Variants in CUX1 observed in about 807,000 individuals in gnomAD.
CUX1 encodes the protein protein CASP.
Under a neutral mutation model 158.8 loss-of-function variants are expected in CUX1, and 31 were observed. That is an observed-to-expected ratio of 0.20 (90% CI 0.15 to 0.26). The LOEUF (loss-of-function observed/expected upper bound fraction) is 0.26, where lower values mean the gene tolerates loss of function less well. Ranked by LOEUF, CUX1 falls within the 10% of genes least tolerant of loss-of-function variation. The pLI, the probability that CUX1 is intolerant of heterozygous loss-of-function variation, is 1.00. For missense variants in CUX1, 1,589 were observed against 2,014.6 expected (o/e 0.79, Z 4.04); for synonymous variants, 879 against 862.1 (o/e 1.02, Z -0.34).
intron 4 of CUX1, among the ~76,000 whole-genome samples, chr7:102,082,856 T>C (rs1325617058): frequency 2.0e-5 from 3 of 147,624 alleles, no homozygotes; most frequent in African/African-American, 7.3e-5. Context: ...CCAACAGTTA[T>C]GTTGACAGAC....
intron 5 of CUX1, among the ~76,000 whole-genome samples, chr7:102,100,841 T>G (rs1829694296): frequency 6.6e-6 from 1 of 151,816 alleles, no homozygotes; most frequent in Admixed American, 6.6e-5. Flanking sequence ...GTCCATTGTG[T>G]GTTGCTGTAA....
intron 11 of CUX1, among the ~76,000 whole-genome samples, chr7:102,180,772 G>T (rs906895070): frequency 6.6e-6 from 1 of 151,494 alleles, no homozygotes; most frequent in African/African-American, 2.4e-5. Context: ...TCTTTGGGGT[G>T]AATTTCACCC....
intron 2 of CUX1, among the ~76,000 whole-genome samples, chr7:102,003,493 A>G (rs552451050): frequency 1.3e-5 from 2 of 152,262 alleles, no homozygotes; most frequent in African/African-American, 4.8e-5. Flanking sequence ...GCTTTATTGC[A>G]AGGCTGCTTG....
chr7:102,019,443 T>TCATG (rs1819077373), intron 2 of CUX1, among the ~76,000 whole-genome samples: 1 of 152,198 alleles, frequency 6.6e-6, no homozygotes, highest in Non-Finnish European at 1.5e-5. Context: ...GAGGCTGGTC[T>TCATG]TGAACTCCTG....
intron 6 of CUX1, among the ~76,000 whole-genome samples, chr7:102,107,409 A>C (rs991428287): frequency 8.6e-4 from 130 of 151,960 alleles, no homozygotes; most frequent in African/African-American, 3.0e-3. Flanking sequence ...GCGTGGTGGC[A>C]CATGCCTGTA....
chr7:101,877,309 G>C (rs938457838), intron 1 of CUX1, among the ~76,000 whole-genome samples: 2 of 152,300 alleles, frequency 1.3e-5, no homozygotes, highest in South Asian at 4.1e-4. Flanking sequence ...TATATACACA[G>C]AAACAAATAC....
intron 3 of CUX1, among the ~76,000 whole-genome samples, chr7:102,067,025 T>G (rs1825621299): frequency 6.6e-6 from 1 of 152,026 alleles, no homozygotes; most frequent in South Asian, 2.1e-4. Flanking sequence ...AAGTCTGGAG[T>G]TCATTGACTT....
At chr7:102,031,415 A>G (rs948930706) in intron 3 of CUX1, among the ~76,000 whole-genome samples, 3 of 152,084 alleles carry the variant, frequency 2.0e-5, no homozygotes, top group African/African-American at 7.2e-5. Flanking sequence ...TTAGCAAATT[A>G]TCTTGTAGAT....
chr7:102,147,529 G>C (rs1554502429), intron 8 of CUX1, among the ~76,000 whole-genome samples: 1 of 152,122 alleles, frequency 6.6e-6, no homozygotes, highest in Admixed American at 6.5e-5. Context: ...TTTTTCAGAG[G>C]CTCTGAAAAG....
chr7:102,044,485 C>T (rs1020739852), intron 3 of CUX1, among the ~76,000 whole-genome samples: 1 of 151,922 alleles, frequency 6.6e-6, no homozygotes, highest in African/African-American at 2.4e-5. Flanking sequence ...CCACTGCGCC[C>T]GGCCACCTTA....
At chr7:101,913,443 GTTCACC>G (rs1449907076) in intron 1 of CUX1, 1 of 1,235,990 alleles carries the variant, frequency 8.1e-7, no homozygotes, top group East Asian at 6.1e-5. Flanking sequence ...ATCAAGGTGG[GTTCACC>G]TTGCACCGGG....
chr7:102,066,748 G>A (rs1227525067), intron 3 of CUX1, among the ~76,000 whole-genome samples: 3 of 152,174 alleles, frequency 2.0e-5, no homozygotes, highest in Non-Finnish European at 2.9e-5. Flanking sequence ...CCCAGGTTGC[G>A]TTCCAATTCA....
chr7:102,047,316 G>T, intron 3 of CUX1, among the ~76,000 whole-genome samples: 1 of 151,996 alleles, frequency 6.6e-6, no homozygotes, highest in East Asian at 1.9e-4. Context: ...TAGATAAATG[G>T]GAATGGATAG....
At chr7:101,939,061 ATATATAT>A (rs1807340206) in intron 2 of CUX1, among the ~76,000 whole-genome samples, 3 of 676 alleles carry the variant, frequency 4.4e-3, no homozygotes, top group Admixed American at 0.012. Flanking sequence ...AAAAATACAT[ATATATAT>A]ATATATATAT....
chr7:102,218,228 C>T (rs1307404764), intron 20 of CUX1, among the ~76,000 whole-genome samples: 1 of 152,160 alleles, frequency 6.6e-6, no homozygotes, highest in African/African-American at 2.4e-5. Context: ...GATGTGGGGG[C>T]GCAGGGTCTG....
intron 1 of CUX1, among the ~76,000 whole-genome samples, chr7:101,837,536 T>TA (rs1250387654): frequency 6.6e-6 from 1 of 152,058 alleles, no homozygotes; most frequent in East Asian, 1.9e-4. Context: ...ATGTTAAAGT[T>TA]ACTGAAATCT....
chr7:102,175,601 G>A (rs1054155072), intron 10 of CUX1, among the ~76,000 whole-genome samples: 2 of 151,878 alleles, frequency 1.3e-5, no homozygotes, highest in Non-Finnish European at 2.9e-5. Flanking sequence ...CATGTCCTCC[G>A]CCCTTCCCCG....
intron 10 of CUX1, among the ~76,000 whole-genome samples, chr7:102,170,794 T>A (rs1791626727): frequency 6.6e-6 from 1 of 151,844 alleles, no homozygotes; most frequent in Admixed American, 6.5e-5. Flanking sequence ...AGGGCCAAGG[T>A]GGAGGCTACG....
chr7:102,142,260 G>A (rs1834545807), intron 8 of CUX1, among the ~76,000 whole-genome samples: 1 of 152,124 alleles, frequency 6.6e-6, no homozygotes, highest in Non-Finnish European at 1.5e-5. Flanking sequence ...AGGTACAGGC[G>A]GGATGCTCAC....
Sources: gnomAD v4.1 joint callset for allele counts (sites outside exome capture counted in the v4.1 genomes callset) on GRCh38, gnomAD v4.1.1 for gene constraint, MANE v1.5 for transcripts, NCBI Gene and HGNC (gene_info 2026-07-23, HGNC 2026-07-21) for gene names.